The following TBC1D1 variants were observed in gnomAD, a reference collection of about 807,000 sequenced individuals.
TBC1D1 encodes TBC1 (tre-2/USP6, BUB2, cdc16) domain family, member 1.
In TBC1D1, 89 loss-of-function variants were observed where a neutral mutation model predicts 125.6. That is an observed-to-expected ratio of 0.71 (90% CI 0.60 to 0.85). The LOEUF is 0.85. TBC1D1 is among the 40% of genes least tolerant of loss of function. The pLI is 0.00. For missense variants in TBC1D1, 1,377 were observed against 1,469.2 expected (o/e 0.94, Z 1.03); for synonymous variants, 565 against 564.1 (o/e 1.00, Z -0.02).
intron 2 of TBC1D1, among the ~76,000 whole-genome samples, chr4:38,013,515 G>T (rs866441176): frequency 6.6e-6 from 1 of 152,184 alleles, no homozygotes; most frequent in Non-Finnish European, 1.5e-5. Flanking sequence ...ATAACAAAAA[G>T]TAGGCCCTTT....
At chr4:38,022,320 G>A (rs1389885879) in intron 6 of TBC1D1, among the ~76,000 whole-genome samples, 2 of 152,194 alleles carry the variant, frequency 1.3e-5, no homozygotes, top group Non-Finnish European at 2.9e-5. Context: ...AGTGTATTAG[G>A]TGCTTTCTGT....
At chr4:37,976,855 A>C (rs1204832857) in intron 2 of TBC1D1, among the ~76,000 whole-genome samples, 1 of 152,190 alleles carries the variant, frequency 6.6e-6, no homozygotes, top group Non-Finnish European at 1.5e-5. Context: ...TTTTGGTCTC[A>C]ATGGCCGAGT....
intron 2 of TBC1D1, among the ~76,000 whole-genome samples, chr4:37,933,047 A>AC (rs1723595026): frequency 6.9e-6 from 1 of 145,768 alleles, no homozygotes; most frequent in Admixed American, 7.2e-5. Context: ...CTGAGACTCC[A>AC]TTTAAAAACA....
intron 13 of TBC1D1, 131 bp from the exon 16 acceptor site, chr4:38,095,798 A>ATATTT: frequency 1.1e-6 from 1 of 892,472 alleles, no homozygotes; most frequent in Non-Finnish European, 1.7e-6. Context: ...ACAGTGACTT[A>ATATTT]TATTTAGACG....
chr4:38,092,041 G>T (rs1198439159), intron 13 of TBC1D1, among the ~76,000 whole-genome samples: 1 of 152,200 alleles, frequency 6.6e-6, no homozygotes, highest in Non-Finnish European at 1.5e-5. Flanking sequence ...GTATTAGTGT[G>T]TACAGGACCT....
chr4:38,072,009 G>A (rs1754788001), intron 12 of TBC1D1, among the ~76,000 whole-genome samples: 1 of 152,158 alleles, frequency 6.6e-6, no homozygotes, highest in South Asian at 2.1e-4. Flanking sequence ...GCGGGTCTGG[G>A]CTGCTGGTGC....
intron 14 of TBC1D1, among the ~76,000 whole-genome samples, chr4:38,100,113 G>A (rs182513340): frequency 1.3e-5 from 2 of 152,328 alleles, no homozygotes; most frequent in Non-Finnish European, 2.9e-5. Flanking sequence ...TGGGGAGGGT[G>A]TGCGTGTGTG....
chr4:38,115,943 A>T lies in TBC1D1; in HGVS notation c.2791A>T (p.Ile931Phe). Reference sequence around the variant, plus strand: ...GCGGAAACAGTATCGGCCAGACATGATTATTTTACAGGTATAGAGTGTTCC... The same window carrying T: ...GCGGAAACAGTATCGGCCAGACATGTTTATTTTACAGGTATAGAGTGTTCC... Residue 931 changes from isoleucine (I) to phenylalanine (F), a missense_variant, in exon 16 of 20, where the codon ATT (isoleucine) becomes TTT (phenylalanine). Around this residue, in one of 3 missense-constraint regions of TBC1D1, gnomAD observed 543 missense variants for 613.5 expected, o/e 0.89. Transcript: ENST00000261439. The T allele has an allele frequency of 5.0e-6, 8 of 1,614,134 alleles. No individual in the cohort carries two copies. The highest frequency in any genetic ancestry group is 6.8e-6 in the Non-Finnish European group (8 of 1,180,020).
At chr4:37,927,146 A>T (rs181344291) in intron 2 of TBC1D1, among the ~76,000 whole-genome samples, 71 of 152,088 alleles carry the variant, frequency 4.7e-4, no homozygotes, top group Middle Eastern at 3.4e-3. Flanking sequence ...AAAAAGAAAT[A>T]TTACTGTTGT....
chr4:37,966,498 C>A (rs56184655), intron 2 of TBC1D1, among the ~76,000 whole-genome samples: 1 of 152,116 alleles, frequency 6.6e-6, no homozygotes, highest in African/African-American at 2.4e-5. Flanking sequence ...TTTCTCAGCC[C>A]TTACATCTCC....
intron 5 of TBC1D1, 61 bp downstream of exon 5, chr4:38,020,756 T>G: frequency 7.7e-6 from 11 of 1,436,664 alleles, no homozygotes; most frequent in Non-Finnish European, 1.1e-5. Flanking sequence ...TTAGCTCCAC[T>G]GATTTTTCTG....
intron 2 of TBC1D1, among the ~76,000 whole-genome samples, chr4:38,003,211 G>A (rs1202037846): frequency 6.6e-6 from 1 of 152,158 alleles, no homozygotes. Context: ...TGTTGCAATT[G>A]TGTCTTTTGA....
intron 12 of TBC1D1, among the ~76,000 whole-genome samples, chr4:38,085,612 T>C (rs1362417972): frequency 1.3e-5 from 2 of 152,182 alleles, no homozygotes; most frequent in African/African-American, 4.8e-5. Flanking sequence ...TCCGCTGCAC[T>C]GAGCCAAGCC....
chr4:38,038,230 A>G (rs938025981), intron 8 of TBC1D1, among the ~76,000 whole-genome samples: 1 of 152,214 alleles, frequency 6.6e-6, no homozygotes, highest in African/African-American at 2.4e-5. Flanking sequence ...ATTTAATGCT[A>G]TATAACTACT....
chr4:37,921,619 A>G (rs926272678), intron 2 of TBC1D1, among the ~76,000 whole-genome samples: 2 of 150,920 alleles, frequency 1.3e-5, no homozygotes, highest in African/African-American at 2.4e-5. Context: ...CACCATGTTG[A>G]CCAGAATGGT....
intron 12 of TBC1D1, among the ~76,000 whole-genome samples, chr4:38,079,388 C>T (rs1456631694): frequency 2.0e-5 from 3 of 152,128 alleles, no homozygotes; most frequent in Admixed American, 1.3e-4. Context: ...TTGAACTTTG[C>T]CTTTGACAAA....
intron 2 of TBC1D1, among the ~76,000 whole-genome samples, chr4:38,005,026 T>C (rs929005919): frequency 6.7e-6 from 1 of 149,466 alleles, no homozygotes; most frequent in Non-Finnish European, 1.5e-5. Context: ...GAGAGCAAAG[T>C]GTTCTTCTCC....
chr4:38,070,472 C>A (rs1000685949), intron 12 of TBC1D1, among the ~76,000 whole-genome samples: 47 of 152,200 alleles, frequency 3.1e-4, no homozygotes, highest in Non-Finnish European at 5.1e-4. Flanking sequence ...GCATCGCCCA[C>A]ATCTTGCCAA....
rs1245823974 is a variant in TBC1D1, at chr4:38,014,530, A to T, written c.439A>T (p.Ile147Phe). 3 of 1,613,128 alleles carry T rather than the reference A, an allele frequency of 1.9e-6. No individual in the cohort carries two copies. Among genetic ancestry groups the T allele is most frequent in the Non-Finnish European group, 2.5e-6 (3 of 1,179,892 alleles). The change falls in exon 3 of 20, where the codon ATC becomes TTC. Residue 147 changes from isoleucine (I) to phenylalanine (F), a missense_variant. Ile to Phe is a conservative substitution (Grantham distance 21, BLOSUM62 0). Coordinates refer to ENST00000261439, the MANE Select transcript of TBC1D1 (RefSeq NM_015173.4). The surrounding 1 kb of genome is among the most constrained non-coding windows in gnomAD (Gnocchi z 5.1). ...TCAGGTGCCTGAGATCATCAGCTCC[A>T]TCCGTCAGGCGGGGAAGATCGCCCG...
Sources: allele counts gnomAD v4.1 joint callset (sites outside exome capture counted in the v4.1 genomes callset), GRCh38; gene constraint gnomAD v4.1.1; regional missense constraint gnomAD v4.1.1; non-coding constraint Gnocchi (gnomAD v3.1); transcripts MANE v1.5; gene names NCBI Gene and HGNC (gene_info 2026-07-23, HGNC 2026-07-21).